The following YTHDF1 variants were observed in gnomAD, a reference collection of about 807,000 sequenced individuals.
The protein encoded by YTHDF1 is YTH N6-methyladenosine RNA binding protein F1.
Under a neutral mutation model 49.1 loss-of-function variants are expected in YTHDF1, and 16 were observed. The observed-to-expected ratio is 0.33, with a 90% CI of 0.22 to 0.49. The LOEUF is 0.49. Ranked by LOEUF, YTHDF1 falls within the 20% of genes least tolerant of loss-of-function variation. The probability of loss-of-function intolerance (pLI) is 0.99; values close to 1 mark genes in which losing one functional copy is unlikely to be tolerated. For missense variants in YTHDF1, 621 were observed against 744.3 expected (o/e 0.83, Z 1.93); for synonymous variants, 313 against 290.1 (o/e 1.08, Z -0.80).
chr20:63,203,375 C>G lies in YTHDF1; in HGVS notation c.565G>C (p.Gly189Arg), dbSNP rs2066528746. The G allele has an allele frequency of 1.2e-6, 2 of 1,613,044 alleles. No homozygotes were observed. Among genetic ancestry groups the G allele is most frequent in the African/African-American group, 2.7e-5 (2 of 74,908 alleles). The change falls in exon 4 of 5, where the codon GGC (glycine) becomes CGC (arginine). Residue 189 changes from glycine to arginine, a missense_variant. Transcript: ENST00000370339. This position sits in a 1 kb window ranked among gnomAD's most constrained non-coding sequence, Gnocchi z 4.4. Reference protein sequence around the residue: ...GMNSLEQGMVGLKIGDVSSSA... With the variant: ...GMNSLEQGMVRLKIGDVSSSA... The stretch of plus-strand genomic sequence containing the variant: ...GAGCTGACGTCCCCAATCTTCAGGC[C>G]AACCATGCCCTGCTCCAGGCTGTTC...
intron 3 of YTHDF1, among the ~76,000 whole-genome samples, chr20:63,210,225 C>G (rs1454677504): frequency 6.6e-6 from 1 of 152,176 alleles, no homozygotes; most frequent in African/African-American, 2.4e-5. Flanking sequence ...GACCAAACTG[C>G]ATCCGGCAGC....
Position 63,203,838 on chromosome 20 carries a change from C to T in YTHDF1, c.133-31G>A, listed in dbSNP as rs1309468841. On this transcript the variant is annotated intron_variant, in intron 3 of 4. Transcript: ENST00000370339. The surrounding 1 kb of genome is among the most constrained non-coding windows in gnomAD (Gnocchi z 4.4). Reference sequence around the variant, plus strand: ...AAAGCAAACGTGACAAGTTACACCACTTCTACAACACGAGATGCTGAGAAT... The same window carrying T: ...AAAGCAAACGTGACAAGTTACACCATTTCTACAACACGAGATGCTGAGAAT... 4 of 1,564,814 alleles carry T rather than the reference C, an allele frequency of 2.6e-6. No homozygotes were observed. In the East Asian group the frequency reaches 9.1e-5, roughly 35 times the overall value.
intron 2 of YTHDF1, 171 bp from the exon 3 acceptor site, chr20:63,214,114 G>A: frequency 1.0e-6 from 1 of 972,710 alleles, no homozygotes; most frequent in Non-Finnish European, 1.2e-6. Flanking sequence ...TAATTAGAAG[G>A]GGGACGGGAA....
At chr20:63,210,220 A>C (rs887615742) in intron 3 of YTHDF1, among the ~76,000 whole-genome samples, 4 of 152,108 alleles carry the variant, frequency 2.6e-5, no homozygotes, top group Non-Finnish European at 4.4e-5. Context: ...TTGCTGACCA[A>C]ACTGCATCCG....
In YTHDF1 at chr20:63,215,925, G is replaced by T; in HGVS notation, c.-33C>A. On this transcript the variant is annotated 5_prime_UTR_variant, in exon 1 of 5. Transcript: ENST00000370339. ...GAACAACTAGACGCGGGGCCGGGGCGCCCGCCGGCTCGGGCCTCCCCTAGA... is the reference window on the plus strand; with the variant it reads ...GAACAACTAGACGCGGGGCCGGGGCTCCCGCCGGCTCGGGCCTCCCCTAGA... 1 of 1,365,906 alleles carries T rather than the reference G, an allele frequency of 7.3e-7. No homozygotes were observed. The allele number at this position is 1,365,906 out of a possible 1,614,324, so 84.6% of individuals were successfully genotyped here.
intron 3 of YTHDF1, among the ~76,000 whole-genome samples, chr20:63,212,289 T>C (rs1358649064): frequency 6.6e-6 from 1 of 152,216 alleles, no homozygotes; most frequent in Non-Finnish European, 1.5e-5. Flanking sequence ...ACAAGGTTTC[T>C]TGGTCTCTAA....
Position 63,203,647 on chromosome 20 carries a change from T to C in YTHDF1, c.293A>G (p.His98Arg), listed in dbSNP as rs762290709. 1.2e-5 allele frequency: 19 copies of C among 1,614,112 alleles called. No homozygotes were observed. The highest frequency in any genetic ancestry group is 2.2e-5 in the East Asian group (1 of 44,878). The change falls in exon 4 of 5, where the codon CAT (histidine) becomes CGT (arginine). Residue 98 changes from histidine to arginine, a missense_variant. His to Arg is a conservative substitution (Grantham distance 29). Transcript: ENST00000370339. This position sits in a 1 kb window ranked among gnomAD's most constrained non-coding sequence, Gnocchi z 4.4. Reference sequence around the variant, plus strand: ...CCCAAAAACAGCATCGTGCATAAAATGATGGTCTCCGTTACTGAGCTGTCC... The same window carrying C: ...CCCAAAAACAGCATCGTGCATAAAACGATGGTCTCCGTTACTGAGCTGTCC... ...TYGQLSNGDH[H>R]FMHDAVFGQP...
intron 4 of YTHDF1, among the ~76,000 whole-genome samples, chr20:63,200,583 T>C (rs1353000113): frequency 6.6e-6 from 1 of 152,150 alleles, no homozygotes; most frequent in Non-Finnish European, 1.5e-5. Flanking sequence ...AACACTTGGA[T>C]CTTGCCTGCA....
intron 3 of YTHDF1, among the ~76,000 whole-genome samples, chr20:63,204,141 T>G (rs1260730214): frequency 6.6e-6 from 1 of 151,988 alleles, no homozygotes; most frequent in Admixed American, 6.6e-5. Context: ...GGTAGAGGAG[T>G]AAACCCCTGC....
Position 63,203,663 on chromosome 20 carries a change from T to C in YTHDF1, c.277A>G (p.Ser93Gly), listed in dbSNP as rs766801408. The change falls in exon 4 of 5, where the codon AGT (serine) becomes GGT (glycine). Residue 93 changes from serine to glycine, a missense_variant. Around this residue, in one of 2 missense-constraint regions of YTHDF1, gnomAD observed 470 missense variants for 495.8 expected, o/e 0.95. Coordinates refer to ENST00000370339, the MANE Select transcript of YTHDF1 (RefSeq NM_017798.4). The surrounding 1 kb of genome is among the most constrained non-coding windows in gnomAD (Gnocchi z 4.4). ...TGCATAAAATGATGGTCTCCGTTAC[T>C]GAGCTGTCCGTAGGTGGTGAGGTAT... ...IPYLTTYGQL[S>G]NGDHHFMHDA... 3.7e-6 allele frequency: 6 copies of C among 1,614,070 alleles called. No homozygotes were observed. The Admixed American group carries it at 5.0e-5, about 13-fold the overall frequency.
At chr20:63,198,153 C>T (rs1008737551) in intron 4 of YTHDF1, among the ~76,000 whole-genome samples, 1 of 152,050 alleles carries the variant, frequency 6.6e-6, no homozygotes, top group East Asian at 1.9e-4. Flanking sequence ...TCTTCCCAGG[C>T]TGGGTGTGGT....
rs2066531039 is a variant in YTHDF1 at position 63,203,690 on chromosome 20, G to A, written c.250C>T (p.Pro84Ser). 4 of 1,614,224 alleles carry A rather than the reference G, an allele frequency of 2.5e-6. No individual in the cohort carries two copies. In the East Asian group the frequency reaches 8.9e-5, roughly 36 times the overall value. The change falls in exon 4 of 5, where the codon CCA becomes TCA. Residue 84 changes from proline (P) to serine (S), a missense_variant. This residue lies in a region of YTHDF1 where 470 missense variants were observed against 495.8 expected (regional missense o/e 0.95). Coordinates refer to ENST00000370339, the MANE Select transcript of YTHDF1 (RefSeq NM_017798.4). This position sits in a 1 kb window ranked among gnomAD's most constrained non-coding sequence, Gnocchi z 4.4. Reference sequence around the variant, plus strand: ...AGCTGTCCGTAGGTGGTGAGGTATGGAATCGGAGGGTCCCCTGCAGTAGAC... The same window carrying A: ...AGCTGTCCGTAGGTGGTGAGGTATGAAATCGGAGGGTCCCCTGCAGTAGAC... ...PWSTAGDPPIPYLTTYGQLSN... is the reference protein window; with the variant it reads ...PWSTAGDPPISYLTTYGQLSN...
chr20:63,215,823 C>T (rs2066599499), intron 1 of YTHDF1, 43 bp downstream of exon 1: 4 of 1,451,620 alleles, frequency 2.8e-6, no homozygotes, highest in Non-Finnish European at 3.6e-6. Context: ...CCAGACCCCG[C>T]GCCTCGGCCC....
At chr20:63,198,315 G>A (rs917516733) in intron 4 of YTHDF1, among the ~76,000 whole-genome samples, 3 of 151,736 alleles carry the variant, frequency 2.0e-5, no homozygotes, top group African/African-American at 4.8e-5. Context: ...CATGGTGACC[G>A]GCGCCTGTAA....
Position 63,203,070 on chromosome 20 carries a change from G to A in YTHDF1, c.870C>T (p.Pro290=), listed in dbSNP as rs770987286. ...GGGGCTGTGGGGCAGCCTGTGGAGAGGGTGCCTGCTGGGGGACTGGGGCCT... is the reference window on the plus strand; with the variant it reads ...GGGGCTGTGGGGCAGCCTGTGGAGAAGGTGCCTGCTGGGGGACTGGGGCCT... ...VPKAPVPQQA[P]SPQAAPQPQQ... is the part of the protein sequence containing the mutation. Residue 290 remains proline (P), a synonymous_variant, in exon 4 of 5, where the codon CCC becomes CCT. Transcript: ENST00000370339. This position sits in a 1 kb window ranked among gnomAD's most constrained non-coding sequence, Gnocchi z 4.4. 1.2e-6 allele frequency: 2 copies of A among 1,605,820 alleles called. No homozygotes were observed. The highest frequency in any genetic ancestry group is 1.7e-6 in the Non-Finnish European group (2 of 1,175,106).
At position 63,206,778 on chromosome 20, in the gene YTHDF1, G is replaced by A. The variant is rs150531915; in HGVS notation, c.133-2971C>T. 5.3e-5 allele frequency among the ~76,000 whole-genome samples: 8 copies of A among 152,332 alleles called. No homozygotes were observed. The East Asian group carries it at 1.5e-3, about 29-fold the overall frequency. ...TCTGCCATCTTTCCTCCAAAACTCT[G>A]AAGGTAAAGAAGCAGGTTAATTTGT... On this transcript the variant is annotated intron_variant, in intron 3 of 4. Transcript: ENST00000370339.
chr20:63,202,248 C>A, intron 4 of YTHDF1, 39 bp downstream of exon 4: 1 of 1,585,196 alleles, frequency 6.3e-7, no homozygotes, highest in Non-Finnish European at 8.6e-7. Context: ...GCACCAAGGA[C>A]ACATCTGCAT....
Position 63,215,672 on chromosome 20 carries a change from C to T in YTHDF1, c.28-71G>A, listed in dbSNP as rs2066598519. ...AAGAGGGAAACACAAAGTTATTCACCAGAGAACTGGTCTCCAACGGGCCGC... is the reference window on the plus strand; with the variant it reads ...AAGAGGGAAACACAAAGTTATTCACTAGAGAACTGGTCTCCAACGGGCCGC... On this transcript the variant is annotated intron_variant, in intron 1 of 4. Coordinates refer to ENST00000370339, the MANE Select transcript of YTHDF1 (RefSeq NM_017798.4). The T allele has an allele frequency of 6.5e-6, 10 of 1,535,350 alleles. No homozygotes were observed. In the East Asian group the frequency reaches 2.5e-4, roughly 38 times the overall value.
rs199850285 is a variant in YTHDF1 at position 63,202,886 on chromosome 20, C to T, written c.1054G>A (p.Gly352Arg). The change falls in exon 4 of 5, where the codon GGA (glycine) becomes AGA (arginine). Residue 352 changes from glycine to arginine, a missense_variant. Gly to Arg is a moderately radical substitution (Grantham distance 125). Coordinates refer to ENST00000370339, the MANE Select transcript of YTHDF1 (RefSeq NM_017798.4). The part of the protein sequence containing the change: ...GGAGSDSNSP[G>R]NVQPNSAPSV... ...GGGGCAGAATTAGGCTGGACGTTTCCAGGAGAGTTGCTATCGCTGCCAGCC... is the reference window on the plus strand; with the variant it reads ...GGGGCAGAATTAGGCTGGACGTTTCTAGGAGAGTTGCTATCGCTGCCAGCC... 1.7e-4 allele frequency: 272 copies of T among 1,613,806 alleles called. No homozygotes were observed. The highest frequency in any genetic ancestry group is 2.3e-4 in the Non-Finnish European group (266 of 1,180,060).
Sources: gnomAD v4.1 joint callset for allele counts (sites outside exome capture counted in the v4.1 genomes callset) on GRCh38, gnomAD v4.1.1 for gene constraint, gnomAD v4.1.1 regional missense constraint, Gnocchi (gnomAD v3.1) non-coding constraint, MANE v1.5 for transcripts, NCBI Gene and HGNC (gene_info 2026-07-23, HGNC 2026-07-21) for gene names.